The following ZNF257 variants were observed in gnomAD, a reference collection of about 807,000 sequenced individuals.
ZNF257 encodes the protein bone marrow zinc finger 4.
In ZNF257, 12 loss-of-function variants were observed where a neutral mutation model predicts 11.9. That is an observed-to-expected ratio of 1.01 (90% CI 0.65 to 1.63). The LOEUF (loss-of-function observed/expected upper bound fraction) is 1.63. ZNF257 is among the 40% of genes most tolerant of loss of function. The pLI, the probability that ZNF257 is intolerant of heterozygous loss-of-function variation, is 0.00. For missense variants in ZNF257, 580 were observed against 665.5 expected, an observed-to-expected ratio of 0.87 and a Z score of 1.41; for synonymous variants, 183 against 222.7, an observed-to-expected ratio of 0.82 and a Z score of 1.59.
At chr19:22,082,159 A>G (rs1014783233) in intron 3 of ZNF257, among the ~76,000 whole-genome samples, 8 of 152,114 alleles carry the variant, frequency 5.3e-5, no homozygotes, top group Non-Finnish European at 1.5e-5. Context: ...CTAATAACAG[A>G]TTTATGCAGA....
chr19:22,067,138 G>T (rs1032026044), intron 1 of ZNF257, among the ~76,000 whole-genome samples: 2 of 152,088 alleles, frequency 1.3e-5, no homozygotes, highest in Non-Finnish European at 2.9e-5. Context: ...GAAGAATTGT[G>T]TATCTGCCTA....
intron 1 of ZNF257, among the ~76,000 whole-genome samples, chr19:22,068,350 C>T (rs1391814638): frequency 6.6e-6 from 1 of 152,044 alleles, no homozygotes; most frequent in Non-Finnish European, 1.5e-5. Flanking sequence ...TGTGCTAGAA[C>T]AGCCTCTAGG....
chr19:22,084,840 G>A (rs1017581702), intron 3 of ZNF257, among the ~76,000 whole-genome samples: 1 of 150,402 alleles, frequency 6.6e-6, no homozygotes, highest in African/African-American at 2.5e-5. Context: ...AGTGATTCTC[G>A]TGCTTTAGCC....
At position 22,091,213 on chromosome 19, in the gene ZNF257, C is replaced by T. The variant is rs1238279476; in HGVS notation, c.*1771C>T. On this transcript the variant is annotated 3_prime_UTR_variant, in exon 4 of 4. Coordinates refer to ENST00000594947, the MANE Select transcript of ZNF257 (RefSeq NM_033468.4). ...GTAGCTCACGCCTGTAATCCCAACA[C>T]TTTGGGAGGCTGAGGCGGGCGGATC... 1.3e-5 allele frequency: 2 copies of T among 152,058 alleles called. No homozygotes were observed. Among genetic ancestry groups the T allele is most frequent in the Admixed American group, 6.6e-5 (1 of 15,262 alleles). The allele number at this position is 152,058 out of a possible 1,614,324, so 9.4% of individuals were successfully genotyped here.
At chr19:22,063,236 G>C (rs113176265) in intron 1 of ZNF257, among the ~76,000 whole-genome samples, 1 of 151,964 alleles carries the variant, frequency 6.6e-6, no homozygotes, top group African/African-American at 2.4e-5. Context: ...TTCTAATTGT[G>C]TTTATTTGGC....
intron 1 of ZNF257, among the ~76,000 whole-genome samples, chr19:22,071,350 A>G (rs1037319329): frequency 2.0e-5 from 3 of 152,128 alleles, no homozygotes; most frequent in African/African-American, 7.2e-5. Context: ...TGGTCCTGCC[A>G]GTGGGTGTGG....
Position 22,078,831 on chromosome 19 carries a change from T to G in ZNF257, c.226+5267T>G, listed in dbSNP as rs567992810. On this transcript the variant is annotated intron_variant, in intron 3 of 3. Transcript: ENST00000594947. ...TTTTGAGACGGAGTTTTGCTCTTGT[T>G]GCCCAGGCTGGAGTGCAATGGTGCA... 6.0e-5 allele frequency among the ~76,000 whole-genome samples: 9 copies of G among 151,242 alleles called. No homozygotes were observed. In the South Asian group the frequency reaches 1.9e-3, roughly 32 times the overall value.
At chr19:22,071,635 G>A (rs1297369472) in intron 1 of ZNF257, among the ~76,000 whole-genome samples, 1 of 152,004 alleles carries the variant, frequency 6.6e-6, no homozygotes, top group Non-Finnish European at 1.5e-5. Context: ...TCTTGTAATA[G>A]TCAAGGGTCT....
chr19:22,083,511 T>C (rs2022405178), intron 3 of ZNF257, among the ~76,000 whole-genome samples: 1 of 152,158 alleles, frequency 6.6e-6, no homozygotes, highest in Non-Finnish European at 1.5e-5. Flanking sequence ...TAGCTACTAT[T>C]GTTCATTTTT....
chr19:22,054,359 G>C (rs1003380781), intron 1 of ZNF257, among the ~76,000 whole-genome samples: 1 of 152,040 alleles, frequency 6.6e-6, no homozygotes, highest in Admixed American at 6.6e-5. Flanking sequence ...AGTGAGCCGC[G>C]TCCGGCCTTT....
chr19:22,059,867 C>T (rs2021747470), intron 1 of ZNF257, among the ~76,000 whole-genome samples: 1 of 149,902 alleles, frequency 6.7e-6, no homozygotes, highest in Non-Finnish European at 1.5e-5. Flanking sequence ...GGACTATAGT[C>T]ACATGCCACC....
chr19:22,058,634 C>T (rs1036315077), intron 1 of ZNF257, among the ~76,000 whole-genome samples: 1 of 152,158 alleles, frequency 6.6e-6, no homozygotes, highest in East Asian at 1.9e-4. Flanking sequence ...CCACAGAGGC[C>T]TGGCCTGAAA....
chr19:22,064,982 A>G, intron 1 of ZNF257, among the ~76,000 whole-genome samples: 1 of 151,064 alleles, frequency 6.6e-6, no homozygotes, highest in African/African-American at 2.4e-5. Context: ...TGAACCCAGG[A>G]AGCAGAGGTT....
Position 22,066,975 on chromosome 19 carries a change from G to A in ZNF257, c.4-5834G>A, listed in dbSNP as rs371378187. Among the ~76,000 whole-genome samples the A allele has an allele frequency of 2.0e-3, 308 of 151,626 alleles. 1 individual carries two copies. The highest frequency in any genetic ancestry group is 0.014 in the South Asian group (68 of 4,820). ...GGGGCTGTAGAAAGTTTTTCTTTTC[G>A]TTATATATTCCAGACACTGTCTAGA... On this transcript the variant is annotated intron_variant, in intron 1 of 3. Coordinates refer to ENST00000594947, the MANE Select transcript of ZNF257 (RefSeq NM_033468.4).
At chr19:22,071,048 A>G (rs1331850408) in intron 1 of ZNF257, among the ~76,000 whole-genome samples, 2 of 152,080 alleles carry the variant, frequency 1.3e-5, no homozygotes, top group Non-Finnish European at 2.9e-5. Context: ...TATAATTCCA[A>G]TGTGAGGCCA....
intron 3 of ZNF257, among the ~76,000 whole-genome samples, chr19:22,075,173 C>A (rs1425133883): frequency 1.3e-5 from 2 of 152,108 alleles, no homozygotes; most frequent in Non-Finnish European, 2.9e-5. Flanking sequence ...TTACAAAGGG[C>A]TTGGATAGTT....
At chr19:22,057,799 G>A (rs1053312488) in intron 1 of ZNF257, among the ~76,000 whole-genome samples, 7 of 152,092 alleles carry the variant, frequency 4.6e-5, no homozygotes, top group Admixed American at 6.6e-5. Flanking sequence ...TCACTGTGTC[G>A]CCCAGGCTGG....
intron 2 of ZNF257, 131 bp downstream of exon 2, chr19:22,073,066 C>T (rs2022143794): frequency 9.1e-7 from 1 of 1,099,178 alleles, no homozygotes; most frequent in African/African-American, 1.7e-5. Flanking sequence ...AAATGAGTTT[C>T]ATATCCCTGT....
In ZNF257 at chr19:22,088,279, G is replaced by C; in HGVS notation, c.529G>C (p.Glu177Gln). 3.1e-6 allele frequency: 5 copies of C among 1,613,546 alleles called. No individual in the cohort carries two copies. The highest frequency in any genetic ancestry group is 4.2e-6 in the Non-Finnish European group (5 of 1,179,748). ...TGAAAAGAAAACTTGCAAATGTAAA[G>C]AATGTGGCAAATCATTTTGCATGCT... ...HTEKKTCKCK[E>Q]CGKSFCMLSQ... The change falls in exon 4 of 4, where the codon GAA becomes CAA. Residue 177 changes from glutamate to glutamine, a missense_variant. Coordinates refer to ENST00000594947, the MANE Select transcript of ZNF257 (RefSeq NM_033468.4).
Sources: allele counts gnomAD v4.1 joint callset (sites outside exome capture counted in the v4.1 genomes callset), GRCh38; gene constraint gnomAD v4.1.1; transcripts MANE v1.5; gene names NCBI Gene and HGNC (gene_info 2026-07-23, HGNC 2026-07-21).